Variants in KCNN1 observed in about 807,000 individuals in gnomAD.
KCNN1 encodes the protein potassium calcium-activated channel subfamily N member 1.
KCNN1 carries 20 observed loss-of-function variants against 44.7 expected under a neutral mutation model. The observed-to-expected ratio is 0.45, with a 90% confidence interval of 0.32 to 0.65. KCNN1 has a LOEUF of 0.65. KCNN1 is among the 30% of genes least tolerant of loss of function. The pLI is 0.05. For synonymous variants in KCNN1, 324 were observed against 341.7 expected (o/e 0.95, Z 0.57); for missense variants, 632 against 785.3 (o/e 0.80, Z 2.33).
intron 9 of KCNN1, among the ~76,000 whole-genome samples, chr19:17,997,401 G>A (rs534667328): frequency 1.3e-4 from 20 of 152,248 alleles, no homozygotes; most frequent in African/African-American, 4.8e-4. Context: ...GTGGCTATGT[G>A]TGCCCTGTGG....
intron 1 of KCNN1, among the ~76,000 whole-genome samples, chr19:17,970,408 C>T (rs1419817774): frequency 7.4e-6 from 1 of 135,620 alleles, no homozygotes; most frequent in Non-Finnish European, 1.5e-5. Context: ...ACCTCCACTT[C>T]CCGGGTTCAA....
chr19:17,993,771 C>T lies in KCNN1; in HGVS notation c.1377+212C>T, dbSNP rs7249295. Among the ~76,000 whole-genome samples the T allele has an allele frequency of 0.053, 8,095 of 151,948 alleles. 255 individuals carry two copies. The highest frequency in any genetic ancestry group is 0.077 in the African/African-American group (3,184 of 41,442). On this transcript the variant is annotated intron_variant, in intron 9 of 9. Transcript: ENST00000684775. This position sits in a 1 kb window ranked among gnomAD's most constrained non-coding sequence, Gnocchi z 4.5. ...AAAAAAAATACAACAATTAGCCAGG[C>T]GTGGTGGCGGGCGCCTTTAATCCCA...
rs764143416 is a variant in KCNN1 at position 17,975,112 on chromosome 19, A to G, written c.423A>G (p.Ala141=). 6.2e-6 allele frequency: 10 copies of G among 1,612,982 alleles called. No homozygotes were observed. The Admixed American group carries it at 6.7e-5, about 11-fold the overall frequency. Residue 141 remains alanine (A), a synonymous_variant, in exon 3 of 10, where the codon GCA becomes GCG. Transcript: ENST00000684775. ...VYTKESLYSF[A]LKCLISLSTA... is the part of the protein sequence containing the mutation. ...ACCAGGAGTCTCTGTACTCATTCGC[A>G]CTCAAATGCCTCATCAGCCTCTCCA... is the stretch of plus-strand genomic sequence containing the variant.
intron 7 of KCNN1, 150 bp downstream of exon 7, chr19:17,989,993 G>C: frequency 1.8e-6 from 2 of 1,091,080 alleles, no homozygotes; most frequent in Non-Finnish European, 2.8e-6. Context: ...GTGGATGGGA[G>C]GATCTTCAGA....
chr19:17,993,592 G>A lies in KCNN1; in HGVS notation c.1377+33G>A. ...GGTTGGGGCAGGGTGGGCCAGACAG[G>A]GCAGGTGGGGCCCCGGAGCAGATGG... On this transcript the variant is annotated intron_variant, in intron 9 of 9. Transcript: ENST00000684775. This position sits in a 1 kb window ranked among gnomAD's most constrained non-coding sequence, Gnocchi z 4.5. The A allele has an allele frequency of 6.2e-7, 1 of 1,603,080 alleles. No individual in the cohort carries two copies. Among genetic ancestry groups the A allele is most frequent in the East Asian group, 2.2e-5 (1 of 44,822 alleles).
chr19:17,998,093 T>C lies in KCNN1; in HGVS notation c.1378-59T>C. ...CCTCTCTGTCATTGGTGTCGTGGTA[T>C]CGTCCTTTCCTCTCTCACTCAGCGG... On this transcript the variant is annotated intron_variant, in intron 9 of 9. Transcript: ENST00000684775. The surrounding 1 kb of genome is among the most constrained non-coding windows in gnomAD (Gnocchi z 5.4). 6.7e-7 allele frequency: 1 copy of C among 1,487,098 alleles called. No homozygotes were observed. Among genetic ancestry groups the C allele is most frequent in the East Asian group, 2.4e-5 (1 of 40,992 alleles). The allele number at this position is 1,487,098 out of a possible 1,614,324, so 92.1% of individuals were successfully genotyped here. A position where few individuals can be genotyped will look rare whatever the true frequency, so the allele number is the denominator to read the frequency against.
rs1174917090 is a variant in KCNN1, at chr19:17,983,192, A to G, written c.917+1065A>G. ...ACAAAGGGACTTGCCCGGAGCCTTG[A>G]GTCCTGGCAGTCTCAGAGGCAGGAG... On this transcript the variant is annotated intron_variant, in intron 4 of 9. Transcript: ENST00000684775. This position sits in a 1 kb window ranked among gnomAD's most constrained non-coding sequence, Gnocchi z 4.5. 1.3e-5 allele frequency among the ~76,000 whole-genome samples: 2 copies of G among 152,010 alleles called. No individual in the cohort carries two copies. The highest frequency in any genetic ancestry group is 2.4e-5 in the African/African-American group (1 of 41,382).
At position 17,993,486 on chromosome 19, in the gene KCNN1, A is replaced by C; in HGVS notation, c.1308-4A>C. ...CCCCCTCCCCCAACCCCGTGTCCCC[A>C]CAGGCTCCGGAGTGTGAAGATCGAG... is the stretch of plus-strand genomic sequence containing the variant. On this transcript the variant is annotated splice_region_variant and splice_polypyrimidine_tract_variant and intron_variant, in intron 8 of 9. Transcript: ENST00000684775. The surrounding 1 kb of genome is among the most constrained non-coding windows in gnomAD (Gnocchi z 4.5). The C allele has an allele frequency of 6.2e-7, 1 of 1,611,808 alleles. No homozygotes were observed. The highest frequency in any genetic ancestry group is 8.5e-7 in the Non-Finnish European group (1 of 1,178,302).
At chr19:17,959,102 C>T (rs950848561) in intron 2 of KCNN1, among the ~76,000 whole-genome samples, 12 of 151,690 alleles carry the variant, frequency 7.9e-5, no homozygotes, top group Non-Finnish European at 1.3e-4. Flanking sequence ...ACTACAACCT[C>T]TGCTTCCCAG....
intron 7 of KCNN1, 68 bp downstream of exon 7, chr19:17,989,911 T>C (rs568079933): frequency 6.5e-4 from 1,050 of 1,609,788 alleles, no homozygotes; most frequent in Non-Finnish European, 8.1e-4. Flanking sequence ...CTCGCAGCTC[T>C]GTGTGGCCTC....
chr19:17,980,080 C>T (rs186470010), intron 3 of KCNN1, among the ~76,000 whole-genome samples: 22 of 135,148 alleles, frequency 1.6e-4, no homozygotes, highest in East Asian at 2.2e-4. Flanking sequence ...TTTTTTTTAT[C>T]GAGACAAGAG....
At chr19:17,954,843 G>C (rs1359068942) in intron 2 of KCNN1, among the ~76,000 whole-genome samples, 8 of 151,844 alleles carry the variant, frequency 5.3e-5, no homozygotes, top group Non-Finnish European at 8.8e-5. Flanking sequence ...TTTGAGGCCA[G>C]TTTGGCCGAC....
intron 3 of KCNN1, among the ~76,000 whole-genome samples, chr19:17,980,953 A>G (rs891179822): frequency 2.0e-5 from 3 of 152,130 alleles, no homozygotes; most frequent in African/African-American, 7.2e-5. Context: ...ACAGTGGCTC[A>G]CACGTGTAAT....
At chr19:17,958,480 C>CTTTTT (rs71164331) in intron 2 of KCNN1, among the ~76,000 whole-genome samples, 13 of 99,564 alleles carry the variant, frequency 1.3e-4, no homozygotes, top group Non-Finnish European at 2.0e-4. Context: ...GACCCTGTCT[C>CTTTTT]TTTTTTTTTT....
chr19:17,978,572 AG>A (rs574287923), intron 3 of KCNN1, among the ~76,000 whole-genome samples: 153 of 151,882 alleles, frequency 1.0e-3, no homozygotes, highest in Admixed American at 4.9e-3. Context: ...CCACAGGCAC[AG>A]ACCGCCATGC....
chr19:17,964,190 T>A (rs950008562), upstream of KCNN1, among the ~76,000 whole-genome samples: 2 of 152,216 alleles, frequency 1.3e-5, no homozygotes, highest in Admixed American at 6.6e-5. The surrounding 1 kb of genome is among the most constrained non-coding windows in gnomAD (Gnocchi z 4.3). Flanking sequence ...ACCCTTGCCA[T>A]CCTGACACTC....
intron 3 of KCNN1, among the ~76,000 whole-genome samples, chr19:17,980,791 T>C (rs991278351): frequency 2.0e-5 from 3 of 151,362 alleles, no homozygotes; most frequent in African/African-American, 7.3e-5. Flanking sequence ...TAATCCCAGC[T>C]CCTCAGGAGG....
At chr19:17,955,257 TA>T (rs869247421) in intron 2 of KCNN1, among the ~76,000 whole-genome samples, 670 of 127,374 alleles carry the variant, frequency 5.3e-3, no homozygotes, top group Non-Finnish European at 5.5e-3. Flanking sequence ...TCTCTTTAAT[TA>T]AAAAAAAAAA....
chr19:17,984,204 A>G (rs1215796068), intron 4 of KCNN1, among the ~76,000 whole-genome samples: 1 of 150,764 alleles, frequency 6.6e-6, no homozygotes, highest in Non-Finnish European at 1.5e-5. Context: ...GCCTTTACCC[A>G]GCAAGTGTCC....
Sources: gnomAD v4.1 joint callset for allele counts (sites outside exome capture counted in the v4.1 genomes callset) on GRCh38, gnomAD v4.1.1 for gene constraint, Gnocchi (gnomAD v3.1) non-coding constraint, MANE v1.5 for transcripts, NCBI Gene and HGNC (gene_info 2026-07-23, HGNC 2026-07-21) for gene names.